The following SOX6 variants were observed in gnomAD, a reference collection of about 807,000 sequenced individuals.
The protein encoded by SOX6 is transcription factor SOX-6.
In SOX6, 11 loss-of-function variants were observed where a neutral mutation model predicts 97.8. The ratio of observed to expected loss-of-function variants is 0.11; its 90% CI spans 0.07 to 0.19. The LOEUF is 0.19. Among genes scored for constraint, SOX6 ranks in the 10% least tolerant of loss-of-function variants. SOX6 has a pLI of 1.00. For missense variants in SOX6, 810 were observed against 1,039.5 expected (o/e 0.78, Z 3.04); for synonymous variants, 360 against 371.4 (o/e 0.97, Z 0.35).
intron 4 of SOX6, among the ~76,000 whole-genome samples, chr11:16,597,729 T>C (rs1356301599): frequency 6.6e-6 from 1 of 151,958 alleles, no homozygotes; most frequent in Non-Finnish European, 1.5e-5. Flanking sequence ...GCTTTCAAAA[T>C]AAAGAGAACT....
rs528207153 is a variant in SOX6, at chr11:16,095,983, G to A, written c.1101+13C>T. 3.6e-4 allele frequency: 585 copies of A among 1,609,308 alleles called. 10 individuals carry two copies. In the South Asian group the frequency reaches 6.0e-3, roughly 16 times the overall value. On this transcript the variant is annotated intron_variant, in intron 9 of 15. Transcript: ENST00000683767. ...TCCCCAACCCAATGAAGCATCAATGGAAGCATTCATACCTCAATCTGTTTG... is the reference window on the plus strand; with the variant it reads ...TCCCCAACCCAATGAAGCATCAATGAAAGCATTCATACCTCAATCTGTTTG...
intron 4 of SOX6, among the ~76,000 whole-genome samples, chr11:16,207,418 C>A (rs143655419): frequency 6.6e-6 from 1 of 151,862 alleles, no homozygotes; most frequent in Non-Finnish European, 1.5e-5. Flanking sequence ...CTGGCTAACA[C>A]GGTGAAACCC....
At chr11:16,339,331 T>A (rs541613329) in intron 2 of SOX6, among the ~76,000 whole-genome samples, 1 of 152,188 alleles carries the variant, frequency 6.6e-6, no homozygotes, top group South Asian at 2.1e-4. Flanking sequence ...TCTCCAACTA[T>A]ATCTTATCCT....
chr11:16,185,364 T>C (rs773748591), intron 5 of SOX6, among the ~76,000 whole-genome samples: 1 of 152,208 alleles, frequency 6.6e-6, no homozygotes, highest in Non-Finnish European at 1.5e-5. Context: ...CCTCTGAATA[T>C]TTATTTCTTC....
chr11:16,210,322 A>C (rs1852185394), intron 4 of SOX6, among the ~76,000 whole-genome samples: 1 of 152,228 alleles, frequency 6.6e-6, no homozygotes, highest in Non-Finnish European at 1.5e-5. Context: ...GGAACGAGGT[A>C]CTGATACATG....
intron 1 of SOX6, among the ~76,000 whole-genome samples, chr11:16,460,560 T>C (rs972007006): frequency 1.3e-5 from 2 of 152,140 alleles, no homozygotes; most frequent in African/African-American, 4.8e-5. Context: ...TCAATAAGTC[T>C]TTTCTCACTT....
At chr11:16,567,622 G>A (rs1343496214) in intron 4 of SOX6, among the ~76,000 whole-genome samples, 2 of 137,802 alleles carry the variant, frequency 1.5e-5, no homozygotes, top group Non-Finnish European at 1.5e-5. Flanking sequence ...AGGCTGGAGT[G>A]CAGTGGCGAT....
chr11:16,145,752 T>C (rs1445754365), intron 6 of SOX6, among the ~76,000 whole-genome samples: 13 of 152,132 alleles, frequency 8.5e-5, no homozygotes, highest in Non-Finnish European at 1.8e-4. Context: ...CCATTCACAA[T>C]TGCTTCAAAG....
chr11:16,707,170 A>G (rs193137098), intron 3 of SOX6, among the ~76,000 whole-genome samples: 51 of 152,312 alleles, frequency 3.3e-4, no homozygotes, highest in Middle Eastern at 6.8e-3. Flanking sequence ...ATGCTCACAA[A>G]TTAAGCAAAG....
chr11:16,363,584 C>T (rs1467488247), intron 1 of SOX6, among the ~76,000 whole-genome samples: 1 of 152,074 alleles, frequency 6.6e-6, no homozygotes, highest in East Asian at 1.9e-4. Context: ...GGGCTAAGAA[C>T]CATGCCCTGT....
intron 1 of SOX6, among the ~76,000 whole-genome samples, chr11:16,369,500 T>C (rs1590164797): frequency 6.6e-6 from 1 of 152,186 alleles, no homozygotes; most frequent in South Asian, 2.1e-4. Flanking sequence ...AATCAATTAA[T>C]TAGTTTCTTG....
At chr11:16,202,527 C>T (rs1362664522) in intron 4 of SOX6, among the ~76,000 whole-genome samples, 6 of 152,078 alleles carry the variant, frequency 3.9e-5, no homozygotes, top group Non-Finnish European at 7.4e-5. Flanking sequence ...AATCTACAGC[C>T]TACAATTATT....
chr11:16,123,701 CCTG>C (rs1433331191), intron 6 of SOX6, among the ~76,000 whole-genome samples: 1 of 152,154 alleles, frequency 6.6e-6, no homozygotes, highest in East Asian at 1.9e-4. Flanking sequence ...TACTCCTACA[CCTG>C]CTATCTCCCT....
chr11:16,570,254 A>C (rs959565643), intron 4 of SOX6, among the ~76,000 whole-genome samples: 4 of 152,174 alleles, frequency 2.6e-5, no homozygotes, highest in African/African-American at 7.2e-5. Flanking sequence ...TCAGAGATGC[A>C]TGGTAATTAT....
chr11:16,175,283 CAAT>C (rs888963727), intron 6 of SOX6, among the ~76,000 whole-genome samples: 3 of 151,794 alleles, frequency 2.0e-5, no homozygotes, highest in Non-Finnish European at 4.4e-5. Context: ...ACAAAAACAA[CAAT>C]GATAGTGGTA....
chr11:16,140,490 T>C (rs1054323037), intron 6 of SOX6, among the ~76,000 whole-genome samples: 2 of 152,210 alleles, frequency 1.3e-5, no homozygotes, highest in Non-Finnish European at 2.9e-5. Flanking sequence ...AATTAGATGA[T>C]AACCTTAGCT....
chr11:16,134,126 C>A (rs981037677), intron 6 of SOX6, among the ~76,000 whole-genome samples: 1 of 152,210 alleles, frequency 6.6e-6, no homozygotes, highest in Non-Finnish European at 1.5e-5. Context: ...ATTTAATTCT[C>A]AAAACATCTT....
At chr11:16,503,987 G>A (rs940935449) in intron 4 of SOX6, among the ~76,000 whole-genome samples, 1 of 151,824 alleles carries the variant, frequency 6.6e-6, no homozygotes, top group Non-Finnish European at 1.5e-5. Flanking sequence ...AGCTTGCAGT[G>A]AGCTGAGATT....
At chr11:15,993,157 A>C (rs1854108331) in intron 13 of SOX6, among the ~76,000 whole-genome samples, 1 of 152,206 alleles carries the variant, frequency 6.6e-6, no homozygotes, top group African/African-American at 2.4e-5. Context: ...TTATAAATAG[A>C]TAAGAAAAAT....
Sources: gnomAD v4.1 joint callset for allele counts (sites outside exome capture counted in the v4.1 genomes callset) on GRCh38, gnomAD v4.1.1 for gene constraint, MANE v1.5 for transcripts, NCBI Gene and HGNC (gene_info 2026-07-23, HGNC 2026-07-21) for gene names.